The following JRK variants were observed in gnomAD, a reference collection of about 807,000 sequenced individuals.
JRK encodes jerky protein homolog.
For missense variants in JRK, 720 were observed against 509.2 expected (o/e 1.41, Z -3.98); for synonymous variants, 303 against 218.1 (o/e 1.39, Z -3.43).
In JRK at chr8:142,663,825, T is replaced by C; in HGVS notation, c.*527A>G. ...AGCAGGCCAAGAACTGAGTCCCAGC[T>C]CTCGGGCCATCGGACCTCAGGCAAC... On this transcript the variant is annotated 3_prime_UTR_variant, in exon 2 of 2. Coordinates refer to ENST00000612905, the MANE Select transcript of JRK (RefSeq NM_003724.4). 1.6e-5 allele frequency: 16 copies of C among 986,774 alleles called. No homozygotes were observed. The highest frequency in any genetic ancestry group is 1.7e-5 in the Non-Finnish European group (14 of 830,934). The allele number at this position is 986,774 out of a possible 1,614,324, so 61.1% of individuals were successfully genotyped here. A position where few individuals can be genotyped will look rare whatever the true frequency, so the allele number is the denominator to read the frequency against.
chr8:142,663,388 A>C lies in JRK; in HGVS notation c.*964T>G. On this transcript the variant is annotated 3_prime_UTR_variant, in exon 2 of 2. Coordinates refer to ENST00000612905, the MANE Select transcript of JRK (RefSeq NM_003724.4). ...CCAAAAGTATTACTAACGTGCTAAC[A>C]GCTGGGGATAAGAGCACACATACTG... 1 of 985,486 alleles carries C rather than the reference A, an allele frequency of 1.0e-6. No homozygotes were observed. Among genetic ancestry groups the C allele is most frequent in the Non-Finnish European group, 1.2e-6 (1 of 829,940 alleles). 61.0% of individuals were successfully genotyped at this position (985,486 alleles called of 1,614,324 possible).
chr8:142,645,424 A>C, the JRK span, among the ~76,000 whole-genome samples: 1 of 152,208 alleles, frequency 6.6e-6, no homozygotes, highest in Non-Finnish European at 1.5e-5. Flanking sequence ...TCATGCCTGC[A>C]ATCCTAGCAC....
rs1846972298 is a variant in JRK at position 142,663,160 on chromosome 8, GA to G, written c.*1191del. The G allele has an allele frequency of 2.0e-6, 2 of 985,346 alleles. No homozygotes were observed. The highest frequency in any genetic ancestry group is 2.4e-6 in the Non-Finnish European group (2 of 829,870). 61.0% of individuals were successfully genotyped at this position (985,346 alleles called of 1,614,324 possible). A position where few individuals can be genotyped will look rare whatever the true frequency, so the allele number is the denominator to read the frequency against. ...AGAGTGAGACCCTGCCTCAAGAAAAGAAAAGGACAATGCACCTATTTTATGC... is the reference window on the plus strand; with the variant it reads ...AGAGTGAGACCCTGCCTCAAGAAAAGAAAGGACAATGCACCTATTTTATGC... On this transcript the variant is annotated 3_prime_UTR_variant, in exon 2 of 2. Coordinates refer to ENST00000612905, the MANE Select transcript of JRK (RefSeq NM_003724.4).
At chr8:142,649,340 CGT>C in the JRK span, among the ~76,000 whole-genome samples, 1 of 152,154 alleles carries the variant, frequency 6.6e-6, no homozygotes, top group Admixed American at 6.5e-5. Context: ...TGAATTCCCA[CGT>C]GTTGTGGGAG....
chr8:142,668,893 C>A (rs925041141), intron 1 of JRK, among the ~76,000 whole-genome samples: 1 of 151,654 alleles, frequency 6.6e-6, no homozygotes, highest in African/African-American at 2.4e-5. Context: ...TTCCCGGCAT[C>A]CCAGTCCCCA....
downstream of JRK, among the ~76,000 whole-genome samples, chr8:142,654,186 A>G (rs1440739342): frequency 2.0e-5 from 3 of 152,152 alleles, no homozygotes; most frequent in Admixed American, 2.0e-4. Flanking sequence ...GGCCCAGCCC[A>G]GAGCACCCCC....
chr8:142,663,313 T>A lies in JRK; in HGVS notation c.*1039A>T, dbSNP rs1846976364. On this transcript the variant is annotated 3_prime_UTR_variant, in exon 2 of 2. Coordinates refer to ENST00000612905, the MANE Select transcript of JRK (RefSeq NM_003724.4). ...TACAGACATGGAGAAAATAACCACATCCTCTTACAACCGCCTCTGTGAAAA... is the reference window on the plus strand; with the variant it reads ...TACAGACATGGAGAAAATAACCACAACCTCTTACAACCGCCTCTGTGAAAA... 19 of 985,356 alleles carry A rather than the reference T, an allele frequency of 1.9e-5. No homozygotes were observed. Among genetic ancestry groups the A allele is most frequent in the Non-Finnish European group, 2.3e-5 (19 of 829,926 alleles). The allele number at this position is 985,356 out of a possible 1,614,324, so 61.0% of individuals were successfully genotyped here.
Position 142,661,168 on chromosome 8 carries a change from C to A in JRK, c.*3184G>T. 2.0e-6 allele frequency: 2 copies of A among 985,498 alleles called. No homozygotes were observed. The highest frequency in any genetic ancestry group is 2.4e-6 in the Non-Finnish European group (2 of 829,982). 61.0% of individuals were successfully genotyped at this position (985,498 alleles called of 1,614,324 possible). ...CAGGGCAAGGTCTGCTCTAGACCCT[C>A]CTATGCAGGAGACAGACAACTTCCA... On this transcript the variant is annotated 3_prime_UTR_variant, in exon 2 of 2. Transcript: ENST00000612905.
Position 142,665,261 on chromosome 8 carries a change from A to T in JRK, c.798T>A (p.Ile266=). The change falls in exon 2 of 2, where the codon ATT becomes ATA. Residue 266 remains isoleucine (I), a synonymous_variant. Transcript: ENST00000612905. ...AGATATGATGGAACCAATCGGAAAA[A>T]ATCTCCTTGTCCACCCAGGCGTTCC... ...AQGNAWVDKE[I]FSDWFHHIFV... The T allele has an allele frequency of 4.2e-6, 3 of 717,818 alleles. No homozygotes were observed. The highest frequency in any genetic ancestry group is 1.7e-5 in the African/African-American group (1 of 57,360). The allele number at this position is 717,818 out of a possible 1,614,324, so 44.5% of individuals were successfully genotyped here. A position where few individuals can be genotyped will look rare whatever the true frequency, so the allele number is the denominator to read the frequency against.
rs1037491093 is a variant in JRK, at chr8:142,663,353, C to T, written c.*999G>A. On this transcript the variant is annotated 3_prime_UTR_variant, in exon 2 of 2. Coordinates refer to ENST00000612905, the MANE Select transcript of JRK (RefSeq NM_003724.4). ...CTCTGTGAAAACTGACCAGGACAGACAACTCCTCCCCAAAAGTATTACTAA... is the reference window on the plus strand; with the variant it reads ...CTCTGTGAAAACTGACCAGGACAGATAACTCCTCCCCAAAAGTATTACTAA... The T allele has an allele frequency of 1.0e-6, 1 of 985,328 alleles. No homozygotes were observed. Among genetic ancestry groups the T allele is most frequent in the East Asian group, 1.1e-4 (1 of 8,828 alleles). The allele number at this position is 985,328 out of a possible 1,614,324, so 61.0% of individuals were successfully genotyped here.
chr8:142,664,221 C>T lies in JRK; in HGVS notation c.*131G>A. The T allele has an allele frequency of 2.1e-6, 3 of 1,414,666 alleles. No individual in the cohort carries two copies. The highest frequency in any genetic ancestry group is 2.8e-6 in the Non-Finnish European group (3 of 1,081,748). The allele number at this position is 1,414,666 out of a possible 1,614,324, so 87.6% of individuals were successfully genotyped here. ...GCACCCGAGCCACACCCGTGGGCGA[C>T]CCACTCCTGGAAGGGCTCTTGAGTG... On this transcript the variant is annotated 3_prime_UTR_variant, in exon 2 of 2. Transcript: ENST00000612905.
intron 1 of JRK, among the ~76,000 whole-genome samples, chr8:142,667,432 GACAC>G (rs59385009): frequency 0.16 from 23,178 of 146,760 alleles, 1,973 homozygotes; most frequent in Middle Eastern, 0.29. Context: ...CGGACACGGA[GACAC>G]ACACACACAC....
At position 142,664,356 on chromosome 8, in the gene JRK, T is replaced by C. The variant is rs188852749; in HGVS notation, c.1703A>G (p.Asn568Ser). The change falls in exon 2 of 2, where the codon AAC becomes AGC. Residue 568 changes from asparagine to serine, a missense_variant. By Grantham distance (46) the Asn-to-Ser change is conservative (BLOSUM62 1). Coordinates refer to ENST00000612905, the MANE Select transcript of JRK (RefSeq NM_003724.4). ...CAGGGCAGGGCAGAGAAGCCATCAG[T>C]TGTCACCTGCTGTGGATGAGCAGGG... Reference protein sequence around the residue: ...PLPCSSTAGDN With the variant: ...PLPCSSTAGDS 4 of 1,556,554 alleles carry C rather than the reference T, an allele frequency of 2.6e-6. No individual in the cohort carries two copies. The highest frequency in any genetic ancestry group is 1.8e-5 in the Admixed American group (1 of 55,020).
intron 1 of JRK, among the ~76,000 whole-genome samples, chr8:142,669,680 G>A (rs1335821833): frequency 6.6e-6 from 1 of 151,496 alleles, no homozygotes; most frequent in Non-Finnish European, 1.5e-5. Flanking sequence ...GGGGCCGCGC[G>A]CTCAGGCCGC....
Position 142,664,581 on chromosome 8 carries a change from G to A in JRK, c.1478C>T (p.Ala493Val). 3 of 1,608,416 alleles carry A rather than the reference G, an allele frequency of 1.9e-6. No individual in the cohort carries two copies. Among genetic ancestry groups the A allele is most frequent in the Non-Finnish European group, 2.5e-6 (3 of 1,178,586 alleles). Residue 493 changes from alanine (A) to valine (V), a missense_variant, in exon 2 of 2, where the codon GCC (alanine) becomes GTC (valine). Transcript: ENST00000612905. ...CGCAAAGCGCAGGACTGCGTCAAAG[G>A]CCACGGCCGCCTGCTCCCAGGCCAC... ...EEVAWEQAAV[A>V]FDAVLRFAER...
At position 142,664,210 on chromosome 8, in the gene JRK, C is replaced by T. The variant is rs1450539851; in HGVS notation, c.*142G>A. ...GACCGTCCTGGGCACCCGAGCCACA[C>T]CCGTGGGCGACCCACTCCTGGAAGG... On this transcript the variant is annotated 3_prime_UTR_variant, in exon 2 of 2. Coordinates refer to ENST00000612905, the MANE Select transcript of JRK (RefSeq NM_003724.4). The T allele has an allele frequency of 2.4e-5, 34 of 1,412,316 alleles. No homozygotes were observed. The highest frequency in any genetic ancestry group is 3.0e-5 in the Admixed American group (1 of 33,326). The allele number at this position is 1,412,316 out of a possible 1,614,324, so 87.5% of individuals were successfully genotyped here.
chr8:142,667,698 C>T (rs1213757939), intron 1 of JRK, among the ~76,000 whole-genome samples: 1 of 152,228 alleles, frequency 6.6e-6, no homozygotes, highest in Non-Finnish European at 1.5e-5. Context: ...TCACACACAC[C>T]TTTGACCAAT....
chr8:142,665,089 C>G lies in JRK; in HGVS notation c.970G>C (p.Val324Leu). 2.8e-6 allele frequency: 2 copies of G among 717,930 alleles called. No homozygotes were observed. The highest frequency in any genetic ancestry group is 2.3e-4 in the Middle Eastern group (1 of 4,372). 44.5% of individuals were successfully genotyped at this position (717,930 alleles called of 1,614,324 possible). ...NVFTIFLPAS[V>L]ASLVQPMEQG... ...TCCATGGGCTGCACCAATGAGGCCA[C>G]GCTGGCAGGCAGGAAGATGGTGAAA... The change falls in exon 2 of 2, where the codon GTG becomes CTG. Residue 324 changes from valine (V) to leucine (L), a missense_variant. Physicochemically the swap from Val to Leu is conservative, Grantham distance 32. Coordinates refer to ENST00000612905, the MANE Select transcript of JRK (RefSeq NM_003724.4).
rs1166071665 is a variant in JRK at position 142,661,852 on chromosome 8, A to T, written c.*2500T>A. ...GCTTCTGAGACGGGTCAGGAAGTGA[A>T]AACAAAGTGCTCGGAGGACACGGCA... On this transcript the variant is annotated 3_prime_UTR_variant, in exon 2 of 2. Transcript: ENST00000612905. 1 of 985,396 alleles carries T rather than the reference A, an allele frequency of 1.0e-6. No individual in the cohort carries two copies. The highest frequency in any genetic ancestry group is 1.2e-6 in the Non-Finnish European group (1 of 830,004). The allele number at this position is 985,396 out of a possible 1,614,324, so 61.0% of individuals were successfully genotyped here. A position where few individuals can be genotyped will look rare whatever the true frequency, so the allele number is the denominator to read the frequency against.
Sources: gnomAD v4.1 joint callset for allele counts (sites outside exome capture counted in the v4.1 genomes callset) on GRCh38, gnomAD v4.1.1 for gene constraint, MANE v1.5 for transcripts, NCBI Gene and HGNC (gene_info 2026-07-23, HGNC 2026-07-21) for gene names.